Variants in CCDC112 observed in about 807,000 individuals in gnomAD.
CCDC112 encodes coiled-coil domain-containing protein 112.
In CCDC112, 40 loss-of-function variants were observed where a neutral mutation model predicts 66.3. The observed-to-expected ratio is 0.60, with a 90% CI of 0.47 to 0.79. CCDC112 has a LOEUF of 0.79. Among genes scored for constraint, CCDC112 ranks in the 30% least tolerant of loss-of-function variants. The probability of loss-of-function intolerance (pLI) is 0.00; values close to 1 mark genes in which losing one functional copy is unlikely to be tolerated. For synonymous variants in CCDC112, 214 were observed against 197.2 expected (o/e 1.09, Z -0.71); for missense variants, 659 against 603.8 (o/e 1.09, Z -0.96).
rs1202770656 is a variant in CCDC112 at position 115,282,219 on chromosome 5, T to A, written c.240-2451A>T. Reference sequence around the variant, plus strand: ...AAAGATCTCCAAGATAACCTCTTTTTTAAACAAAGTTTTTGTAGGAAAATG... The same window carrying A: ...AAAGATCTCCAAGATAACCTCTTTTATAAACAAAGTTTTTGTAGGAAAATG... On this transcript the variant is annotated intron_variant, in intron 2 of 9. Transcript: ENST00000379611. 3.3e-5 allele frequency among the ~76,000 whole-genome samples: 5 copies of A among 152,332 alleles called. No individual in the cohort carries two copies. In the East Asian group the frequency reaches 9.6e-4, roughly 29 times the overall value.
chr5:115,284,974 C>G, intron 1 of CCDC112, 66 bp from the exon 2 acceptor site: 1 of 1,462,984 alleles, frequency 6.8e-7, no homozygotes, highest in African/African-American at 1.4e-5. Flanking sequence ...GGAATTTTTT[C>G]AGAGAGATAA....
At position 115,287,772 on chromosome 5, in the gene CCDC112, A is replaced by T. The variant is rs372074970; in HGVS notation, c.118-2864T>A. ...TTGCCCAGGTTGGACTCCTGGGCTC[A>T]AATGATCCTCTCATCTCAGCCTCCT... On this transcript the variant is annotated intron_variant, in intron 1 of 9. Transcript: ENST00000379611. 8.2e-5 allele frequency among the ~76,000 whole-genome samples: 12 copies of T among 146,344 alleles called. No individual in the cohort carries two copies. The East Asian group carries it at 2.0e-3, about 24-fold the overall frequency.
At position 115,296,490 on chromosome 5, in the gene CCDC112, C is replaced by T. The variant is rs1407466108; in HGVS notation, c.54G>A (p.Gly18=). The change falls in exon 1 of 10, where the codon GGG becomes GGA. Residue 18 remains glycine, a synonymous_variant. Coordinates refer to ENST00000379611, the MANE Select transcript of CCDC112 (RefSeq NM_001040440.3). The part of the protein sequence containing the change: ...VVAAAATAVA[G]AVAGAGAATG... ...TGGCCGCGCCCGCCCCTGCCACAGC[C>T]CCGGCTACCGCGGTGGCCGCAGCCG... 2 of 1,562,222 alleles carry T rather than the reference C, an allele frequency of 1.3e-6. No homozygotes were observed. Among genetic ancestry groups the T allele is most frequent in the African/African-American group, 1.4e-5 (1 of 70,776 alleles).
At position 115,276,040 on chromosome 5, in the gene CCDC112, C is replaced by T. The variant is rs769227772; in HGVS notation, c.481G>A (p.Glu161Lys). Residue 161 changes from glutamate to lysine, a missense_variant, in exon 5 of 10, where the codon GAA becomes AAA. Transcript: ENST00000379611. Reference sequence around the variant, plus strand: ...AAAGTGTTAATTGCATTTTCAATTTCTTCCATCATTTCTCTGAGCTTCTCA... The same window carrying T: ...AAAGTGTTAATTGCATTTTCAATTTTTTCCATCATTTCTCTGAGCTTCTCA... ...FVEKLREMME[E>K]IENAINTFKE... The T allele has an allele frequency of 1.2e-6, 2 of 1,607,112 alleles. No homozygotes were observed. Among genetic ancestry groups the T allele is most frequent in the Non-Finnish European group, 1.7e-6 (2 of 1,176,886 alleles).
chr5:115,284,988 G>A (rs1749616657), intron 1 of CCDC112, 80 bp from the exon 2 acceptor site: 2 of 1,315,828 alleles, frequency 1.5e-6, no homozygotes, highest in Admixed American at 2.0e-5. Context: ...GAGATAAAAT[G>A]TCAATAGTTG....
rs749783028 is a variant in CCDC112, at chr5:115,296,563, C to A, written c.-20G>T. 2.1e-6 allele frequency: 3 copies of A among 1,448,892 alleles called. No homozygotes were observed. Among genetic ancestry groups the A allele is most frequent in the Non-Finnish European group, 9.1e-7 (1 of 1,104,302 alleles). 89.8% of individuals were successfully genotyped at this position (1,448,892 alleles called of 1,614,324 possible). On this transcript the variant is annotated 5_prime_UTR_variant, in exon 1 of 10. Coordinates refer to ENST00000379611, the MANE Select transcript of CCDC112 (RefSeq NM_001040440.3). The stretch of plus-strand genomic sequence containing the variant: ...GGCCATGTTTACCCGCCGAGCTACT[C>A]GGGCCGCGGCGGCCACCGGTGCCTG...
Position 115,279,673 on chromosome 5 carries a change from T to C in CCDC112, c.335A>G (p.Lys112Arg), listed in dbSNP as rs1749364642. ...EHSMLEELEN[K>R]LIHSRKTERA... The stretch of plus-strand genomic sequence containing the variant: ...TTCTGTTTTCCTGCTGTGAATCAAT[T>C]TATTTTCCAATTCTTCTAGCATACT... Residue 112 changes from lysine (K) to arginine (R), a missense_variant, in exon 3 of 10, where the codon AAA becomes AGA. Physicochemically the swap from Lys to Arg is conservative, Grantham distance 26. Transcript: ENST00000379611. 1 of 1,611,916 alleles carries C rather than the reference T, an allele frequency of 6.2e-7. No individual in the cohort carries two copies. The highest frequency in any genetic ancestry group is 1.7e-5 in the Admixed American group (1 of 59,942).
chr5:115,278,884 A>G (rs551623833), intron 3 of CCDC112, among the ~76,000 whole-genome samples: 85 of 152,324 alleles, frequency 5.6e-4, no homozygotes, highest in Middle Eastern at 3.4e-3. Flanking sequence ...AAGTCTTAAT[A>G]TTTTATAAAG....
intron 1 of CCDC112, among the ~76,000 whole-genome samples, chr5:115,294,477 C>G (rs553423213): frequency 5.3e-5 from 8 of 152,318 alleles, no homozygotes; most frequent in Admixed American, 5.2e-4. Flanking sequence ...CACCAGAAAC[C>G]AACCCTAAGG....
At position 115,273,775 on chromosome 5, in the gene CCDC112, A is replaced by C. The variant is rs115084489; in HGVS notation, c.918+1441T>G. On this transcript the variant is annotated intron_variant, in intron 6 of 9. Coordinates refer to ENST00000379611, the MANE Select transcript of CCDC112 (RefSeq NM_001040440.3). ...TTAGGTCTGGAGTTGGAGCCCGCTA[A>C]GTTCTAATAAGGTCCCAGGTGATGC... 3.4e-3 allele frequency among the ~76,000 whole-genome samples: 525 copies of C among 152,304 alleles called. 5 individuals are homozygous for C. The highest frequency in any genetic ancestry group is 0.012 in the African/African-American group (499 of 41,564).
chr5:115,296,508 C>G lies in CCDC112; in HGVS notation c.36G>C (p.Ala12=). The G allele has an allele frequency of 6.5e-7, 1 of 1,546,112 alleles. No individual in the cohort carries two copies. The highest frequency in any genetic ancestry group is 8.7e-7 in the Non-Finnish European group (1 of 1,152,222). ...AALTTVVVAA[A]ATAVAGAVAG... The stretch of plus-strand genomic sequence containing the variant: ...CCACAGCCCCGGCTACCGCGGTGGC[C>G]GCAGCCGCTACCACAACCGTCGTCA... The change falls in exon 1 of 10, where the codon GCG becomes GCC. Residue 12 remains alanine (A), a synonymous_variant. Coordinates refer to ENST00000379611, the MANE Select transcript of CCDC112 (RefSeq NM_001040440.3).
Position 115,277,045 on chromosome 5 carries a change from AT to A in CCDC112, c.370del (p.Ile124SerfsTer12). 1 of 1,602,146 alleles carries A rather than the reference AT, an allele frequency of 6.2e-7. No individual in the cohort carries two copies. Among genetic ancestry groups the A allele is most frequent in the Non-Finnish European group, 8.5e-7 (1 of 1,170,620 alleles). On this transcript the variant is annotated frameshift_variant, in exon 4 of 10. Transcript: ENST00000379611. LOFTEE classifies it high-confidence loss of function. Reference sequence around the variant, plus strand: ...ATGTATTTTGGCCAATTGTTGCTGGATTTTTGCTCCTATAAGAAAGAAGTAT... The same window carrying A: ...ATGTATTTTGGCCAATTGTTGCTGGATTTTGCTCCTATAAGAAAGAAGTAT... ...IHSRKTERAKIQQQLAKIHNN... is the reference protein window; with the variant it reads ...IHSRKTERAKXQQQLAKIHNN...
At chr5:115,277,639 A>C (rs1486489049) in intron 3 of CCDC112, among the ~76,000 whole-genome samples, 3 of 152,148 alleles carry the variant, frequency 2.0e-5, no homozygotes, top group Non-Finnish European at 4.4e-5. Flanking sequence ...CGCCAAGCTC[A>C]ATCAAAGGAC....
At chr5:115,280,466 T>C (rs1749404373) in intron 2 of CCDC112, 1 of 152,226 alleles carries the variant, frequency 6.6e-6, no homozygotes, top group Non-Finnish European at 1.5e-5. Context: ...GGAGTTCTCA[T>C]TGTTAGTTTG....
intron 9 of CCDC112, among the ~76,000 whole-genome samples, chr5:115,268,660 ATATG>A (rs998128772): frequency 1.4e-5 from 2 of 147,926 alleles, no homozygotes; most frequent in Admixed American, 1.4e-4. Context: ...ATATGAAAAA[ATATG>A]TATATTTATA....
chr5:115,284,437 T>C (rs551685095), intron 2 of CCDC112, among the ~76,000 whole-genome samples: 4 of 152,282 alleles, frequency 2.6e-5, no homozygotes, highest in Non-Finnish European at 5.9e-5. Flanking sequence ...ACAAAAACGA[T>C]TCACTTCCTC....
chr5:115,294,432 G>C (rs1419331057), intron 1 of CCDC112, among the ~76,000 whole-genome samples: 4 of 152,228 alleles, frequency 2.6e-5, no homozygotes. Flanking sequence ...GACACAGTGA[G>C]AAGGTGGCTG....
In CCDC112 at chr5:115,296,472, G is replaced by A; in HGVS notation, c.72C>T (p.Gly24=). Residue 24 remains glycine (G), a synonymous_variant, in exon 1 of 10, where the codon GGC becomes GGT. Coordinates refer to ENST00000379611, the MANE Select transcript of CCDC112 (RefSeq NM_001040440.3). The stretch of plus-strand genomic sequence containing the variant: ...CTCCCACGCCGGTCCCGGTGGCCGC[G>A]CCCGCCCCTGCCACAGCCCCGGCTA... The part of the protein sequence containing the change: ...TAVAGAVAGA[G]AATGTGVGAT... 2 of 1,538,516 alleles carry A rather than the reference G, an allele frequency of 1.3e-6. No individual in the cohort carries two copies. The highest frequency in any genetic ancestry group is 2.6e-5 in the East Asian group (1 of 38,036).
intron 2 of CCDC112, among the ~76,000 whole-genome samples, chr5:115,281,227 T>G (rs1055669226): frequency 6.6e-6 from 1 of 152,296 alleles, no homozygotes; most frequent in East Asian, 1.9e-4. Flanking sequence ...TTTCGCCATG[T>G]TGGCCAGGCT....
Sources: allele counts gnomAD v4.1 joint callset (sites outside exome capture counted in the v4.1 genomes callset), GRCh38; gene constraint gnomAD v4.1.1; transcripts MANE v1.5; gene names NCBI Gene and HGNC (gene_info 2026-07-23, HGNC 2026-07-21).